The following PRRX1 variants were observed in gnomAD, a reference collection of about 807,000 sequenced individuals.
PRRX1 encodes paired mesoderm homeobox protein 1.
A neutral mutation model predicts 24.0 loss-of-function variants in PRRX1; 8 were observed. The ratio of observed to expected loss-of-function variants is 0.33; its 90% CI spans 0.20 to 0.60. The LOEUF (loss-of-function observed/expected upper bound fraction) is 0.60. PRRX1 is among the 20% of genes least tolerant of loss of function. PRRX1 has a pLI of 0.82. For synonymous variants in PRRX1, 160 were observed against 131.7 expected, an observed-to-expected ratio of 1.22 and a Z score of -1.47; for missense variants, 281 against 322.4, an observed-to-expected ratio of 0.87 and a Z score of 0.98.
rs1655048364 is a variant in PRRX1 at position 170,720,522 on chromosome 1, A to G, written c.417+621A>G. ...TCTGACACTTCCAGATTTATGTGATATACATTGTCCATCTGAGTATTTTAC... is the reference window on the plus strand; with the variant it reads ...TCTGACACTTCCAGATTTATGTGATGTACATTGTCCATCTGAGTATTTTAC... On this transcript the variant is annotated intron_variant, in intron 2 of 3. Coordinates refer to ENST00000239461, the MANE Select transcript of PRRX1 (RefSeq NM_022716.4). Among the ~76,000 whole-genome samples the G allele has an allele frequency of 2.0e-5, 3 of 152,126 alleles. No individual in the cohort carries two copies. In the South Asian group the frequency reaches 6.2e-4, roughly 32 times the overall value.
At chr1:170,724,750 G>A (rs1277949631) in intron 2 of PRRX1, among the ~76,000 whole-genome samples, 4 of 152,188 alleles carry the variant, frequency 2.6e-5, no homozygotes, top group African/African-American at 9.7e-5. Flanking sequence ...GTTGAGGATT[G>A]TCTTGGCCAT....
At chr1:170,701,787 T>C (rs929921566) in intron 1 of PRRX1, among the ~76,000 whole-genome samples, 1 of 152,212 alleles carries the variant, frequency 6.6e-6, no homozygotes, top group Non-Finnish European at 1.5e-5. Context: ...GATACATGCA[T>C]GCAATGTCAT....
At chr1:170,729,741 A>G (rs1655368583) in intron 3 of PRRX1, among the ~76,000 whole-genome samples, 1 of 152,210 alleles carries the variant, frequency 6.6e-6, no homozygotes, top group African/African-American at 2.4e-5. Flanking sequence ...GAGTCACCAG[A>G]GGGACAAAGC....
intron 1 of PRRX1, among the ~76,000 whole-genome samples, chr1:170,692,741 T>TCTCTCTCTCTCTCTCA (rs372525166): frequency 7.2e-6 from 1 of 139,508 alleles, no homozygotes; most frequent in African/African-American, 2.6e-5. Context: ...TCTCTCTCTC[T>TCTCTCTCTCTCTCTCA]CACACACACA....
At chr1:170,716,601 T>A (rs1478141291) in intron 1 of PRRX1, among the ~76,000 whole-genome samples, 7 of 146,568 alleles carry the variant, frequency 4.8e-5, no homozygotes, top group African/African-American at 1.3e-4. Flanking sequence ...AAAAAAAAAA[T>A]GTATTCATGT....
intron 1 of PRRX1, among the ~76,000 whole-genome samples, chr1:170,702,883 A>G (rs1302483866): frequency 6.6e-6 from 1 of 152,050 alleles, no homozygotes; most frequent in Non-Finnish European, 1.5e-5. Context: ...GATCTATGCA[A>G]TTATCTTGCT....
Position 170,664,346 on chromosome 1 carries a change from A to G in PRRX1, c.128A>G (p.Glu43Gly), listed in dbSNP as rs1160454259. The change falls in exon 1 of 4, where the codon GAG (glutamate) becomes GGG (glycine). Residue 43 changes from glutamate to glycine, a missense_variant. Coordinates refer to ENST00000239461, the MANE Select transcript of PRRX1 (RefSeq NM_022716.4). ...NFSVSHLLDLEEAGDMVAAQA... is the reference protein window; with the variant it reads ...NFSVSHLLDLGEAGDMVAAQA... The stretch of plus-strand genomic sequence containing the variant: ...TCCGTCAGTCACCTGCTAGACCTGG[A>G]GGAAGCCGGGGACATGGTGGCGGCA... 6.2e-7 allele frequency: 1 copy of G among 1,613,974 alleles called. No homozygotes were observed. Among genetic ancestry groups the G allele is most frequent in the Non-Finnish European group, 8.5e-7 (1 of 1,179,948 alleles).
At chr1:170,713,820 A>T (rs1356696666) in intron 1 of PRRX1, among the ~76,000 whole-genome samples, 2 of 152,232 alleles carry the variant, frequency 1.3e-5, no homozygotes, top group African/African-American at 4.8e-5. Flanking sequence ...CTATACCAAG[A>T]TGACAGTAAA....
At chr1:170,729,758 T>C (rs75042381) in intron 3 of PRRX1, among the ~76,000 whole-genome samples, 130 of 152,332 alleles carry the variant, frequency 8.5e-4, no homozygotes, top group Middle Eastern at 3.4e-3. Flanking sequence ...AAGCATTCCC[T>C]ATCACGGACA....
chr1:170,673,478 C>T (rs763891794), intron 1 of PRRX1, among the ~76,000 whole-genome samples: 2 of 152,116 alleles, frequency 1.3e-5, no homozygotes, highest in Non-Finnish European at 2.9e-5. Flanking sequence ...CTTTACCCTC[C>T]CCTTCCCATT....
At chr1:170,674,400 G>A (rs1015492152) in intron 1 of PRRX1, among the ~76,000 whole-genome samples, 3 of 152,116 alleles carry the variant, frequency 2.0e-5, no homozygotes, top group Admixed American at 6.5e-5. Flanking sequence ...TCTGTGCCTC[G>A]TTTTTGCAAA....
intron 1 of PRRX1, among the ~76,000 whole-genome samples, chr1:170,678,960 T>C (rs1333438782): frequency 1.3e-5 from 2 of 152,200 alleles, no homozygotes; most frequent in African/African-American, 4.8e-5. Flanking sequence ...AGTATATGCA[T>C]ATTAAATATC....
At chr1:170,695,263 A>T (rs913891556) in intron 1 of PRRX1, among the ~76,000 whole-genome samples, 6 of 152,188 alleles carry the variant, frequency 3.9e-5, no homozygotes, top group African/African-American at 1.4e-4. Flanking sequence ...AGCTAGCTGC[A>T]CAACTGTGAC....
At chr1:170,663,630 C>T (rs949615067), upstream of PRRX1, 1 of 152,196 alleles carries the variant, frequency 6.6e-6, no homozygotes, top group South Asian at 2.1e-4. Context: ...GAGGGGGGAA[C>T]ACGTTTTCTT....
intron 1 of PRRX1, among the ~76,000 whole-genome samples, chr1:170,701,031 A>G (rs984255031): frequency 2.6e-5 from 4 of 152,282 alleles, no homozygotes; most frequent in East Asian, 1.9e-4. Flanking sequence ...GTAAAAATCC[A>G]CTTTTAGGAA....
intron 1 of PRRX1, among the ~76,000 whole-genome samples, chr1:170,714,126 C>T (rs978931539): frequency 1.3e-5 from 2 of 152,176 alleles, no homozygotes; most frequent in African/African-American, 4.8e-5. Flanking sequence ...TAGAAAGATG[C>T]TGTCCTAATT....
chr1:170,717,301 T>A (rs1306655773), intron 1 of PRRX1, among the ~76,000 whole-genome samples: 1 of 152,196 alleles, frequency 6.6e-6, no homozygotes, highest in Non-Finnish European at 1.5e-5. Flanking sequence ...AGACAGTCAG[T>A]GGAATTTGAT....
At chr1:170,717,085 G>C (rs936718999) in intron 1 of PRRX1, among the ~76,000 whole-genome samples, 2 of 152,190 alleles carry the variant, frequency 1.3e-5, no homozygotes, top group African/African-American at 4.8e-5. Flanking sequence ...GCCAGAGCCA[G>C]ACTCCCTGGA....
At chr1:170,676,541 A>C (rs1433492198) in intron 1 of PRRX1, among the ~76,000 whole-genome samples, 1 of 152,248 alleles carries the variant, frequency 6.6e-6, no homozygotes, top group South Asian at 2.1e-4. Context: ...TGTCATAAAG[A>C]ATTAATAAAA....
Sources: allele counts gnomAD v4.1 joint callset (sites outside exome capture counted in the v4.1 genomes callset), GRCh38; gene constraint gnomAD v4.1.1; transcripts MANE v1.5; gene names NCBI Gene and HGNC (gene_info 2026-07-23, HGNC 2026-07-21).